Variants in ATP7B observed in about 807,000 individuals in gnomAD.
The protein encoded by ATP7B is ATPase copper transporting beta.
Under a neutral mutation model 118.9 loss-of-function variants are expected in ATP7B, and 113 were observed. That is an observed-to-expected ratio of 0.95 (90% CI 0.82 to 1.11). ATP7B has a LOEUF of 1.11. Ranked by LOEUF, ATP7B falls within the 50% of genes most tolerant of loss-of-function variation. The pLI is 0.00. For synonymous variants in ATP7B, 777 were observed against 727.4 expected (o/e 1.07, Z -1.10); for missense variants, 1,867 against 1,871.4 (o/e 1.00, Z 0.04).
At position 51,946,280 on chromosome 13, in the gene ATP7B, T is replaced by G; in HGVS notation, c.3060+4A>C. The G allele has an allele frequency of 6.3e-7, 1 of 1,576,766 alleles. No individual in the cohort carries two copies. Among genetic ancestry groups the G allele is most frequent in the South Asian group, 1.1e-5 (1 of 87,044 alleles). ...GGATGGGGAAAGCCGTGCTACAGGC[T>G]GACCTTGTGCGCCATCTCCAGGGGC... is the stretch of plus-strand genomic sequence containing the variant. On this transcript the variant is annotated splice_donor_region_variant and intron_variant, in intron 13 of 20. Coordinates refer to ENST00000242839, the MANE Select transcript of ATP7B (RefSeq NM_000053.4).
chr13:51,981,811 A>G (rs1196752043), intron 1 of ATP7B, among the ~76,000 whole-genome samples: 1 of 152,098 alleles, frequency 6.6e-6, no homozygotes, highest in African/African-American at 2.4e-5. Context: ...CATAGTTCCA[A>G]TTTTTCAAAC....
intron 1 of ATP7B, among the ~76,000 whole-genome samples, chr13:51,991,194 C>A (rs1287749694): frequency 1.3e-5 from 2 of 152,148 alleles, no homozygotes; most frequent in Admixed American, 6.5e-5. Context: ...ACCTTATAGT[C>A]ACCATCAGTT....
In ATP7B at chr13:51,942,773, T is replaced by C. The variant is rs60579905; in HGVS notation, c.3244-219A>G. Among the ~76,000 whole-genome samples, 16,414 of 152,136 alleles carry C rather than the reference T, an allele frequency of 0.11. 1,360 individuals are homozygous for C. Among genetic ancestry groups the C allele is most frequent in the African/African-American group, 0.23 (9,697 of 41,474 alleles). ...TCTCCCTCCTTTGGTAAAGATATTA[T>C]AGCTGTAAGTTGAATGAGACTATTT... is the stretch of plus-strand genomic sequence containing the variant. On this transcript the variant is annotated intron_variant, in intron 14 of 20. Coordinates refer to ENST00000242839, the MANE Select transcript of ATP7B (RefSeq NM_000053.4).
intron 17 of ATP7B, 94 bp from the exon 18 acceptor site, chr13:51,937,773 T>C: frequency 7.0e-7 from 1 of 1,422,840 alleles, no homozygotes; most frequent in Non-Finnish European, 9.8e-7. Context: ...GCCCTCGGCC[T>C]CTGGGTCCAG....
At chr13:51,949,377 CAAT>C (rs1400367299) in intron 12 of ATP7B, among the ~76,000 whole-genome samples, 1 of 151,886 alleles carries the variant, frequency 6.6e-6, no homozygotes, top group African/African-American at 2.4e-5. Flanking sequence ...CAAAAAGGAC[CAAT>C]AATACATATT....
intron 1 of ATP7B, among the ~76,000 whole-genome samples, chr13:51,999,240 A>G (rs1953366720): frequency 6.6e-6 from 1 of 152,186 alleles, no homozygotes; most frequent in Non-Finnish European, 1.5e-5. Flanking sequence ...AGTAGCAAAG[A>G]GCAGTATTCA....
chr13:51,981,393 G>A (rs1373552656), intron 1 of ATP7B, among the ~76,000 whole-genome samples: 1 of 152,052 alleles, frequency 6.6e-6, no homozygotes, highest in Non-Finnish European at 1.5e-5. Flanking sequence ...ATCCACACTC[G>A]CTCCACTTTC....
chr13:52,012,122 T>C, upstream of ATP7B: 2 of 553,950 alleles, frequency 3.6e-6, no homozygotes, highest in Non-Finnish European at 6.5e-6. Context: ...CGGGGGCTTC[T>C]AGTGGGGGAG....
chr13:51,967,977 G>C (rs1482683058), intron 4 of ATP7B, among the ~76,000 whole-genome samples: 2 of 152,154 alleles, frequency 1.3e-5, no homozygotes, highest in Non-Finnish European at 2.9e-5. Flanking sequence ...GAGCACTTTG[G>C]CCCTCTAGAC....
intron 6 of ATP7B, among the ~76,000 whole-genome samples, 165 bp from the exon 7 acceptor site, chr13:51,960,487 G>A (rs1379705171): frequency 6.6e-6 from 1 of 152,114 alleles, no homozygotes; most frequent in Admixed American, 6.5e-5. Flanking sequence ...CTCTGACACT[G>A]GCCATCTGAG....
At chr13:51,977,712 TTA>T (rs1952195487) in intron 1 of ATP7B, among the ~76,000 whole-genome samples, 1 of 152,248 alleles carries the variant, frequency 6.6e-6, no homozygotes, top group Admixed American at 6.5e-5. Context: ...TGCTCTATTT[TTA>T]TATGACTGGC....
intron 4 of ATP7B, among the ~76,000 whole-genome samples, chr13:51,966,202 C>T (rs1951539038): frequency 6.6e-6 from 1 of 152,226 alleles, no homozygotes; most frequent in Admixed American, 6.5e-5. Flanking sequence ...TTGTGCTACT[C>T]ACACCAAACC....
chr13:51,987,451 T>C (rs1273594594), intron 1 of ATP7B, among the ~76,000 whole-genome samples: 2 of 152,174 alleles, frequency 1.3e-5, no homozygotes, highest in African/African-American at 4.8e-5. Flanking sequence ...TGCTCATGCA[T>C]AGGAACAATC....
Position 51,965,479 on chromosome 13 carries a change from A to G in ATP7B, c.1708-446T>C, listed in dbSNP as rs112152653. Among the ~76,000 whole-genome samples, 412 of 152,332 alleles carry G rather than the reference A, an allele frequency of 2.7e-3. 1 individual carries two copies. Among genetic ancestry groups the G allele is most frequent in the African/African-American group, 9.5e-3 (394 of 41,580 alleles). ...CATGCGGTCTGCAGCTGCTGCTAGC[A>G]TCCTCCCTATTTTAGTGCTCTGCTG... On this transcript the variant is annotated intron_variant, in intron 4 of 20. Transcript: ENST00000242839.
intron 14 of ATP7B, among the ~76,000 whole-genome samples, 161 bp from the exon 15 acceptor site, chr13:51,942,715 G>C (rs1957411757): frequency 6.6e-6 from 1 of 152,158 alleles, no homozygotes; most frequent in Non-Finnish European, 1.5e-5. Flanking sequence ...AGATAGGAAA[G>C]GTTAAGATAG....
At chr13:51,968,959 CA>C (rs1951709213) in intron 3 of ATP7B, among the ~76,000 whole-genome samples, 2 of 149,192 alleles carry the variant, frequency 1.3e-5, no homozygotes, top group South Asian at 4.2e-4. Context: ...CTCCAGGGTT[CA>C]AGTGATTCTC....
chr13:51,969,961 A>C (rs891020968), intron 3 of ATP7B, among the ~76,000 whole-genome samples: 5 of 152,236 alleles, frequency 3.3e-5, no homozygotes, highest in African/African-American at 1.2e-4. Context: ...AGATTTTCCA[A>C]ACAAATAAAT....
chr13:51,957,400 T>C (rs965168787), intron 9 of ATP7B, 116 bp downstream of exon 9: 4 of 1,043,274 alleles, frequency 3.8e-6, no homozygotes, highest in African/African-American at 1.6e-5. Context: ...GATCTTACTG[T>C]GTCTCTGCCC....
rs1311244272 is a variant in ATP7B, at chr13:51,946,496, T to A, written c.2866-18A>T. On this transcript the variant is annotated intron_variant, in intron 12 of 20. Transcript: ENST00000242839. The stretch of plus-strand genomic sequence containing the variant: ...TTGGGGTTCTGAAAACAGGACAGAG[T>A]CAGAGGCAGGTTGAGAGTTCAATAA... 6.2e-6 allele frequency: 10 copies of A among 1,613,574 alleles called. No homozygotes were observed. Among genetic ancestry groups the A allele is most frequent in the Non-Finnish European group, 7.6e-6 (9 of 1,179,802 alleles).
Sources: gnomAD v4.1 joint callset for allele counts (sites outside exome capture counted in the v4.1 genomes callset) on GRCh38, gnomAD v4.1.1 for gene constraint, MANE v1.5 for transcripts, NCBI Gene and HGNC (gene_info 2026-07-23, HGNC 2026-07-21) for gene names.